Variants in CACNA2D3 observed in about 807,000 individuals in gnomAD.
CACNA2D3 encodes calcium voltage-gated channel auxiliary subunit alpha2delta 3.
Under a neutral mutation model 160.6 loss-of-function variants are expected in CACNA2D3, and 60 were observed. That is an observed-to-expected ratio of 0.37 (90% CI 0.30 to 0.46). The LOEUF (loss-of-function observed/expected upper bound fraction) is 0.46. Ranked by LOEUF, CACNA2D3 falls within the 20% of genes least tolerant of loss-of-function variation. CACNA2D3 has a pLI of 1.00. For synonymous variants in CACNA2D3, 558 were observed against 492.9 expected (o/e 1.13, Z -1.75); for missense variants, 1,205 against 1,365.0 (o/e 0.88, Z 1.85).
chr3:54,462,027 G>A (rs1184574930), intron 4 of CACNA2D3, among the ~76,000 whole-genome samples: 14 of 152,176 alleles, frequency 9.2e-5, no homozygotes, highest in Admixed American at 7.9e-4. Context: ...CCTTCATTTC[G>A]TTATGTACCC....
chr3:54,316,302 C>T lies in CACNA2D3; in HGVS notation c.205-4140C>T, dbSNP rs575604271. ...CCTTTTCAGTAATTTTGATGTATGTCAACATTTTAAGTTACTAAGGGCTTT... is the reference window on the plus strand; with the variant it reads ...CCTTTTCAGTAATTTTGATGTATGTTAACATTTTAAGTTACTAAGGGCTTT... On this transcript the variant is annotated intron_variant, in intron 2 of 37. Coordinates refer to ENST00000474759, the MANE Select transcript of CACNA2D3 (RefSeq NM_018398.3). 4.6e-5 allele frequency among the ~76,000 whole-genome samples: 7 copies of T among 152,178 alleles called. No individual in the cohort carries two copies. In the South Asian group the frequency reaches 1.5e-3, roughly 32 times the overall value.
intron 27 of CACNA2D3, among the ~76,000 whole-genome samples, chr3:54,951,774 C>A (rs770473667): frequency 1.8e-4 from 27 of 152,204 alleles, no homozygotes; most frequent in Non-Finnish European, 3.5e-4. Flanking sequence ...AGTAAGATAA[C>A]ACAGGGTGGG....
intron 9 of CACNA2D3, among the ~76,000 whole-genome samples, chr3:54,612,757 C>T (rs1294451526): frequency 6.6e-6 from 1 of 152,140 alleles, no homozygotes; most frequent in Non-Finnish European, 1.5e-5. Flanking sequence ...GGGATAAGAC[C>T]AGCGGATGAA....
chr3:54,308,298 C>T (rs1703654772), intron 2 of CACNA2D3, among the ~76,000 whole-genome samples: 1 of 152,190 alleles, frequency 6.6e-6, no homozygotes, highest in Non-Finnish European at 1.5e-5. Context: ...GCCATGGGTT[C>T]CATTCCTCAG....
At chr3:54,726,169 T>C (rs1701273159) in intron 11 of CACNA2D3, among the ~76,000 whole-genome samples, 1 of 151,940 alleles carries the variant, frequency 6.6e-6, no homozygotes. Context: ...CAATTGCTAC[T>C]AAGAGAATAA....
intron 27 of CACNA2D3, among the ~76,000 whole-genome samples, chr3:54,951,657 C>T (rs1383547718): frequency 6.7e-6 from 1 of 150,262 alleles, no homozygotes; most frequent in Admixed American, 6.6e-5. Flanking sequence ...GTCCCAGTTC[C>T]AAGAAGTCCT....
intron 2 of CACNA2D3, among the ~76,000 whole-genome samples, chr3:54,227,474 A>G (rs1484834727): frequency 6.8e-6 from 1 of 147,586 alleles, no homozygotes; most frequent in African/African-American, 2.5e-5. Flanking sequence ...GTTTTTTGGT[A>G]TTCCTCGGGA....
intron 11 of CACNA2D3, among the ~76,000 whole-genome samples, chr3:54,732,923 G>A (rs1178519845): frequency 1.3e-5 from 2 of 152,252 alleles, no homozygotes; most frequent in Non-Finnish European, 2.9e-5. Flanking sequence ...TTTAATTTCA[G>A]CAAGAATGAC....
chr3:54,578,900 T>C (rs1231010641), intron 8 of CACNA2D3, among the ~76,000 whole-genome samples: 1 of 152,204 alleles, frequency 6.6e-6, no homozygotes, highest in African/African-American at 2.4e-5. Context: ...CCTCACTCAA[T>C]TTCTGCAGGG....
chr3:54,992,600 C>T (rs1266949475), intron 31 of CACNA2D3, among the ~76,000 whole-genome samples: 6 of 152,114 alleles, frequency 3.9e-5, no homozygotes, highest in South Asian at 2.1e-4. Flanking sequence ...TGTCTGAATC[C>T]GTCTCTTCCT....
At chr3:54,942,427 G>A (rs899428468) in intron 27 of CACNA2D3, among the ~76,000 whole-genome samples, 3 of 152,214 alleles carry the variant, frequency 2.0e-5, no homozygotes, top group Non-Finnish European at 4.4e-5. Context: ...AGAAATAAGC[G>A]AAGAGGGAAA....
At chr3:54,661,846 A>ATGTGTGTGTGTGTGTGTG (rs869104703) in intron 11 of CACNA2D3, among the ~76,000 whole-genome samples, 1 of 16,454 alleles carries the variant, frequency 6.1e-5, no homozygotes, top group Non-Finnish European at 1.5e-4. Flanking sequence ...GGATGTGTGT[A>ATGTGTGTGTGTGTGTGTG]TGTGTGTGTG....
At chr3:54,778,647 G>A (rs565962954) in intron 13 of CACNA2D3, among the ~76,000 whole-genome samples, 139 of 152,280 alleles carry the variant, frequency 9.1e-4, no homozygotes, top group African/African-American at 3.2e-3. Flanking sequence ...TTGAGGAGAG[G>A]GATGGTGTCT....
chr3:55,012,945 A>C (rs1226254871), intron 34 of CACNA2D3, among the ~76,000 whole-genome samples: 1 of 152,056 alleles, frequency 6.6e-6, no homozygotes, highest in African/African-American at 2.4e-5. Flanking sequence ...AAGTGGTCCA[A>C]TTTTTAGCTG....
At chr3:54,402,249 G>A (rs1005650497) in intron 4 of CACNA2D3, among the ~76,000 whole-genome samples, 2 of 151,962 alleles carry the variant, frequency 1.3e-5, no homozygotes, top group African/African-American at 2.4e-5. Context: ...CCAGAATACA[G>A]TTAATAAAAT....
At chr3:54,514,688 G>C (rs2106970160) in intron 5 of CACNA2D3, among the ~76,000 whole-genome samples, 1 of 152,142 alleles carries the variant, frequency 6.6e-6, no homozygotes, top group South Asian at 2.1e-4. Flanking sequence ...GGTGAACTGG[G>C]AAGGTGGGGG....
At chr3:54,181,735 C>A (rs1181250946) in intron 2 of CACNA2D3, among the ~76,000 whole-genome samples, 1 of 152,114 alleles carries the variant, frequency 6.6e-6, no homozygotes, top group East Asian at 1.9e-4. Flanking sequence ...TGCGAGCTGG[C>A]CAGGTTGCAC....
intron 27 of CACNA2D3, among the ~76,000 whole-genome samples, chr3:54,926,300 C>G (rs1014574014): frequency 3.3e-5 from 5 of 152,066 alleles, no homozygotes; most frequent in Non-Finnish European, 7.4e-5. Flanking sequence ...ATTATTATCC[C>G]CATTTGAAAG....
Position 54,294,324 on chromosome 3 carries a change from A to G in CACNA2D3, c.205-26118A>G, listed in dbSNP as rs554602189. 1.3e-3 allele frequency among the ~76,000 whole-genome samples: 195 copies of G among 152,186 alleles called. 1 individual carries two copies. Among genetic ancestry groups the G allele is most frequent in the Non-Finnish European group, 2.5e-3 (170 of 68,028 alleles). On this transcript the variant is annotated intron_variant, in intron 2 of 37. Transcript: ENST00000474759. ...TTTCCAAAGAAGCCTTGCATAACAAATGGGTATGCGACAAAGTTTTTCGAG... is the reference window on the plus strand; with the variant it reads ...TTTCCAAAGAAGCCTTGCATAACAAGTGGGTATGCGACAAAGTTTTTCGAG...
Sources: allele counts gnomAD v4.1 joint callset (sites outside exome capture counted in the v4.1 genomes callset), GRCh38; gene constraint gnomAD v4.1.1; transcripts MANE v1.5; gene names NCBI Gene and HGNC (gene_info 2026-07-23, HGNC 2026-07-21).